UBAC2: variants seen among roughly 807,000 people sequenced by gnomAD.
UBAC2 encodes the protein ubiquitin-associated domain-containing protein 2.
A neutral mutation model predicts 44.0 loss-of-function variants in UBAC2; 26 were observed. The ratio of observed to expected loss-of-function variants is 0.59; its 90% CI spans 0.43 to 0.82. The LOEUF is 0.82. Ranked by LOEUF, UBAC2 falls within the 40% of genes least tolerant of loss-of-function variation. The pLI is 0.00. For missense variants in UBAC2, 329 were observed against 419.4 expected (o/e 0.78, Z 1.88); for synonymous variants, 155 against 154.3 (o/e 1.00, Z -0.04).
intron 4 of UBAC2, among the ~76,000 whole-genome samples, chr13:99,266,472 T>G (rs2043745623): frequency 6.6e-6 from 1 of 152,188 alleles, no homozygotes; most frequent in South Asian, 2.1e-4. Flanking sequence ...GGCTGCAGGT[T>G]GGACAAGCTT....
intron 8 of UBAC2, among the ~76,000 whole-genome samples, chr13:99,383,620 C>T (rs1415218677): frequency 6.6e-6 from 1 of 152,270 alleles, no homozygotes; most frequent in Non-Finnish European, 1.5e-5. Context: ...GGCTTCCTAG[C>T]CAGGGCTGTG....
rs187402768 is a variant in UBAC2 at position 99,215,346 on chromosome 13, G to A, written c.31+14407G>A. 327 of 870,650 alleles carry A rather than the reference G, an allele frequency of 3.8e-4. 2 individuals carry two copies. In the African/African-American group the frequency reaches 4.7e-3, roughly 13 times the overall value. 53.9% of individuals were successfully genotyped at this position (870,650 alleles called of 1,614,324 possible). On this transcript the variant is annotated intron_variant, in intron 1 of 8. Transcript: ENST00000403766. ...CAGCTGTTCTTTTATTTAGAGTCCT[G>A]AGATAACAAGGAATCCAGGCATACA...
chr13:99,235,418 T>C (rs1219813110), intron 1 of UBAC2, among the ~76,000 whole-genome samples: 1 of 151,384 alleles, frequency 6.6e-6, no homozygotes, highest in African/African-American at 2.4e-5. Context: ...TTCACAGAAA[T>C]AGAAAAAAAA....
intron 7 of UBAC2, among the ~76,000 whole-genome samples, chr13:99,365,799 T>C (rs1471591764): frequency 6.6e-6 from 1 of 152,214 alleles, no homozygotes; most frequent in South Asian, 2.1e-4. Context: ...TATTATTTTT[T>C]GTCTGGTTGA....
At chr13:99,325,585 G>T (rs76606211) in intron 6 of UBAC2, among the ~76,000 whole-genome samples, 2,696 of 152,196 alleles carry the variant, frequency 0.018, 82 homozygotes, top group African/African-American at 0.062. Context: ...ATTTTTAAGT[G>T]ACAGTTTATA....
intron 4 of UBAC2, among the ~76,000 whole-genome samples, chr13:99,310,839 CT>C (rs1328465946): frequency 6.6e-5 from 10 of 152,060 alleles, no homozygotes; most frequent in African/African-American, 2.4e-4. Context: ...TACTTTATTA[CT>C]AAATGTAAAC....
intron 7 of UBAC2, among the ~76,000 whole-genome samples, chr13:99,346,667 C>G (rs980296670): frequency 1.3e-5 from 2 of 152,138 alleles, no homozygotes; most frequent in Non-Finnish European, 2.9e-5. Context: ...GCTATTTACT[C>G]GGCATTCCTG....
intron 4 of UBAC2, among the ~76,000 whole-genome samples, chr13:99,305,826 G>A (rs932455486): frequency 2.0e-5 from 3 of 152,280 alleles, no homozygotes; most frequent in African/African-American, 7.2e-5. Context: ...TAAAATATAA[G>A]AAGTGTGCAG....
intron 4 of UBAC2, among the ~76,000 whole-genome samples, chr13:99,290,557 T>C (rs1230886916): frequency 6.6e-6 from 1 of 151,822 alleles, no homozygotes; most frequent in East Asian, 1.9e-4. Flanking sequence ...GAAACTCATC[T>C]CCACTAAAAA....
intron 4 of UBAC2, among the ~76,000 whole-genome samples, chr13:99,286,281 C>G (rs1019174298): frequency 6.6e-6 from 1 of 152,144 alleles, no homozygotes; most frequent in Non-Finnish European, 1.5e-5. Flanking sequence ...AAGCAACATA[C>G]CTGGATCTGA....
At chr13:99,216,143 C>G (rs2042993114) in intron 1 of UBAC2, among the ~76,000 whole-genome samples, 2 of 151,740 alleles carry the variant, frequency 1.3e-5, no homozygotes, top group Admixed American at 1.3e-4. Flanking sequence ...ACTCTGACGC[C>G]TCAGCTGGAG....
rs769257531 is a variant in UBAC2 at position 99,314,106 on chromosome 13, T to C, written c.399T>C (p.Pro133=). 8 of 1,607,878 alleles carry C rather than the reference T, an allele frequency of 5.0e-6. No individual in the cohort carries two copies. The South Asian group carries it at 7.9e-5, about 16-fold the overall frequency. The change falls in exon 5 of 9, where the codon CCT becomes CCC. Residue 133 remains proline, a synonymous_variant. Transcript: ENST00000403766. ...ASNLPSGFLA[P]VFALFVPFYC... ...TTATTTGTTTGCATAGCCTGGCACCTGTGTTTGCTCTGTTTGTACCATTTT... is the reference window on the plus strand; with the variant it reads ...TTATTTGTTTGCATAGCCTGGCACCCGTGTTTGCTCTGTTTGTACCATTTT...
intron 8 of UBAC2, among the ~76,000 whole-genome samples, chr13:99,382,179 G>A (rs1477290659): frequency 6.6e-6 from 1 of 152,132 alleles, no homozygotes; most frequent in Non-Finnish European, 1.5e-5. Context: ...TCAAATTTAG[G>A]CATGATACAA....
intron 4 of UBAC2, among the ~76,000 whole-genome samples, chr13:99,285,424 G>C (rs890514893): frequency 2.0e-5 from 3 of 147,012 alleles, no homozygotes; most frequent in African/African-American, 7.6e-5. Flanking sequence ...CAATTGTCTT[G>C]CTCTGTCACC....
intron 6 of UBAC2, among the ~76,000 whole-genome samples, chr13:99,327,094 C>G (rs374343123): frequency 7.9e-5 from 12 of 152,172 alleles, no homozygotes; most frequent in Non-Finnish European, 1.8e-4. Context: ...AGATATTTAA[C>G]TGGTCCTCTC....
At chr13:99,234,186 T>A (rs1369064784) in intron 1 of UBAC2, among the ~76,000 whole-genome samples, 1 of 129,038 alleles carries the variant, frequency 7.7e-6, no homozygotes, top group Non-Finnish European at 1.6e-5. Flanking sequence ...TTTTTTTTTT[T>A]TTTTTTTTTT....
chr13:99,352,153 GT>G (rs1384063378), intron 7 of UBAC2, among the ~76,000 whole-genome samples: 1 of 152,070 alleles, frequency 6.6e-6, no homozygotes, highest in African/African-American at 2.4e-5. Context: ...TTTTTTTAGT[GT>G]TTTAAAAGTA....
intron 4 of UBAC2, among the ~76,000 whole-genome samples, chr13:99,291,804 TC>T (rs1432791719): frequency 6.6e-6 from 1 of 152,220 alleles, no homozygotes; most frequent in African/African-American, 2.4e-5. Context: ...ATTAAGAACT[TC>T]ACAGATATTT....
At chr13:99,208,796 C>T (rs937929076) in intron 1 of UBAC2, among the ~76,000 whole-genome samples, 19 of 152,210 alleles carry the variant, frequency 1.2e-4, no homozygotes, top group Admixed American at 2.6e-4. Flanking sequence ...GAGCCTCGCA[C>T]GTAGTTAAAG....
Sources: allele counts gnomAD v4.1 joint callset (sites outside exome capture counted in the v4.1 genomes callset), GRCh38; gene constraint gnomAD v4.1.1; transcripts MANE v1.5; gene names NCBI Gene and HGNC (gene_info 2026-07-23, HGNC 2026-07-21).